Variants in RNLS observed in about 807,000 individuals in gnomAD.
The protein encoded by RNLS is renalase.
RNLS carries 39 observed loss-of-function variants against 39.8 expected under a neutral mutation model. The ratio of observed to expected loss-of-function variants is 0.98; its 90% CI spans 0.76 to 1.28. The LOEUF is 1.28. RNLS is among the 50% of genes most tolerant of loss of function. The probability of loss-of-function intolerance (pLI) is 0.00; values close to 1 mark genes in which losing one functional copy is unlikely to be tolerated. For missense variants in RNLS, 410 were observed against 413.3 expected (o/e 0.99, Z 0.07); for synonymous variants, 147 against 150.7 (o/e 0.98, Z 0.18).
At chr10:88,447,760 C>T (rs1210791260) in intron 4 of RNLS, among the ~76,000 whole-genome samples, 2 of 152,186 alleles carry the variant, frequency 1.3e-5, no homozygotes, top group Non-Finnish European at 2.9e-5. Flanking sequence ...TCAAACTAAA[C>T]TACAAGGCTA....
At chr10:88,251,981 G>A in the RNLS span, among the ~76,000 whole-genome samples, 1 of 152,198 alleles carries the variant, frequency 6.6e-6, no homozygotes, top group Non-Finnish European at 1.5e-5. Context: ...CAACAGACCA[G>A]AAAGCCTTAT....
chr10:88,329,873 A>G (rs1246525927), intron 5 of RNLS, among the ~76,000 whole-genome samples: 2 of 151,652 alleles, frequency 1.3e-5, no homozygotes, highest in African/African-American at 4.8e-5. Context: ...TGCATGATCA[A>G]TTTTGATAGT....
chr10:88,423,063 A>G (rs906435322), intron 4 of RNLS, among the ~76,000 whole-genome samples: 2 of 152,180 alleles, frequency 1.3e-5, no homozygotes, highest in Non-Finnish European at 2.9e-5. Context: ...AGGCTTTTAT[A>G]AAGAAAACAC....
At chr10:88,475,038 G>C (rs1455624222) in intron 4 of RNLS, among the ~76,000 whole-genome samples, 1 of 152,156 alleles carries the variant, frequency 6.6e-6, no homozygotes. Flanking sequence ...AGGGAAAGTA[G>C]ACACTGGCGA....
intron 4 of RNLS, among the ~76,000 whole-genome samples, chr10:88,392,992 C>G (rs1852302373): frequency 6.6e-6 from 1 of 152,140 alleles, no homozygotes; most frequent in Non-Finnish European, 1.5e-5. Flanking sequence ...AATTCAACAA[C>G]CCTTCATGCT....
intron 4 of RNLS, among the ~76,000 whole-genome samples, chr10:88,451,636 G>T (rs943656363): frequency 3.9e-5 from 6 of 152,164 alleles, no homozygotes; most frequent in Non-Finnish European, 5.9e-5. Flanking sequence ...CTTTAAAGTG[G>T]ATGTAAGAAG....
intron 4 of RNLS, among the ~76,000 whole-genome samples, chr10:88,459,113 T>C (rs1842804356): frequency 6.6e-6 from 1 of 151,762 alleles, no homozygotes; most frequent in Non-Finnish European, 1.5e-5. Flanking sequence ...CTTTTTTTTT[T>C]TTTTGATGGT....
At chr10:88,527,616 G>A (rs1028790589) in intron 4 of RNLS, among the ~76,000 whole-genome samples, 4 of 152,094 alleles carry the variant, frequency 2.6e-5, no homozygotes, top group Non-Finnish European at 5.9e-5. Context: ...TGAAATGGTC[G>A]AAATCTTTCC....
intron 5 of RNLS, among the ~76,000 whole-genome samples, chr10:88,317,468 T>G (rs1210479014): frequency 6.6e-6 from 1 of 152,208 alleles, no homozygotes; most frequent in Non-Finnish European, 1.5e-5. Flanking sequence ...AATTGACTTC[T>G]CTCAAAGCAT....
the RNLS span, among the ~76,000 whole-genome samples, chr10:88,176,467 C>T: frequency 6.6e-6 from 1 of 152,168 alleles, no homozygotes; most frequent in Non-Finnish European, 1.5e-5. Flanking sequence ...AGCCACTGCA[C>T]CCAGCCAGCC....
intron 4 of RNLS, among the ~76,000 whole-genome samples, chr10:88,384,028 A>G (rs1279555295): frequency 6.6e-6 from 1 of 152,190 alleles, no homozygotes; most frequent in Non-Finnish European, 1.5e-5. Flanking sequence ...AACTATTATT[A>G]TCAAATTTTC....
At chr10:88,512,486 C>T (rs1391945886) in intron 4 of RNLS, among the ~76,000 whole-genome samples, 1 of 152,090 alleles carries the variant, frequency 6.6e-6, no homozygotes, top group East Asian at 1.9e-4. Context: ...ATACAGGCTC[C>T]CCATTAAGCC....
At position 88,385,834 on chromosome 10, in the gene RNLS, GA is replaced by G. The variant is rs1463232042; in HGVS notation, c.527-23110del. On this transcript the variant is annotated intron_variant, in intron 4 of 6. Transcript: ENST00000331772. Reference sequence around the variant, plus strand: ...TAGGGGAGAAGAGAAGTTACAGGCAGAAAAAAAGGACTTATCAATGTAACAT... The same window carrying G: ...TAGGGGAGAAGAGAAGTTACAGGCAGAAAAAAGGACTTATCAATGTAACAT... Among the ~76,000 whole-genome samples, 5 of 151,976 alleles carry G rather than the reference GA, an allele frequency of 3.3e-5. No individual in the cohort carries two copies. The East Asian group carries it at 9.6e-4, about 29-fold the overall frequency.
At chr10:88,379,180 GT>G (rs1277801037) in intron 4 of RNLS, among the ~76,000 whole-genome samples, 1 of 152,182 alleles carries the variant, frequency 6.6e-6, no homozygotes, top group Middle Eastern at 3.2e-3. Context: ...TAACTGGAAT[GT>G]TGTTGTGTGG....
At chr10:88,280,994 G>C (rs1057341902), downstream of RNLS, among the ~76,000 whole-genome samples, 1 of 152,158 alleles carries the variant, frequency 6.6e-6, no homozygotes, top group African/African-American at 2.4e-5. Context: ...GCTGTGAACT[G>C]TTGAGTGGAC....
the RNLS span, among the ~76,000 whole-genome samples, chr10:88,265,323 C>CT: frequency 0.16 from 9,373 of 58,598 alleles, 676 homozygotes; most frequent in Non-Finnish European, 0.19. Context: ...CAGGGTTTTT[C>CT]TTTTTTTTTT....
At chr10:88,252,303 C>T in the RNLS span, among the ~76,000 whole-genome samples, 8 of 152,116 alleles carry the variant, frequency 5.3e-5, no homozygotes, top group East Asian at 1.9e-4. Context: ...TGACAAAAAA[C>T]GCTGGTGGTT....
chr10:88,304,126 G>A (rs920864787), intron 6 of RNLS, among the ~76,000 whole-genome samples: 1 of 152,190 alleles, frequency 6.6e-6, no homozygotes, highest in Non-Finnish European at 1.5e-5. Context: ...AAGCCAGTTG[G>A]TTTAATCAAC....
At chr10:88,364,657 G>C (rs201826615) in intron 4 of RNLS, among the ~76,000 whole-genome samples, 1 of 152,020 alleles carries the variant, frequency 6.6e-6, no homozygotes, top group Non-Finnish European at 1.5e-5. Context: ...TGGCTATTTT[G>C]TATTCATAAA....
Sources: gnomAD v4.1 joint callset for allele counts (sites outside exome capture counted in the v4.1 genomes callset) on GRCh38, gnomAD v4.1.1 for gene constraint, MANE v1.5 for transcripts, NCBI Gene and HGNC (gene_info 2026-07-23, HGNC 2026-07-21) for gene names.